CADM2: variants seen among roughly 807,000 people sequenced by gnomAD.
CADM2 encodes the protein immunoglobulin superfamily member 4D.
CADM2 carries 12 observed loss-of-function variants against 49.8 expected under a neutral mutation model. The ratio of observed to expected loss-of-function variants is 0.24; its 90% CI spans 0.15 to 0.39. CADM2 has a LOEUF of 0.39. CADM2 is among the 10% of genes least tolerant of loss of function. The pLI is 1.00. For synonymous variants in CADM2, 214 were observed against 175.4 expected, an observed-to-expected ratio of 1.22 and a Z score of -1.74; for missense variants, 378 against 492.3, an observed-to-expected ratio of 0.77 and a Z score of 2.20.
chr3:85,723,011 TATA>T (rs1252632744), intron 1 of CADM2, among the ~76,000 whole-genome samples: 31 of 152,322 alleles, frequency 2.0e-4, no homozygotes, highest in Admixed American at 5.2e-4. Context: ...ACTTTATTAA[TATA>T]ATGACTAACA....
chr3:85,448,307 TGG>T (rs2037569656), intron 1 of CADM2, among the ~76,000 whole-genome samples: 1 of 134,800 alleles, frequency 7.4e-6, no homozygotes, highest in Non-Finnish European at 1.5e-5. Flanking sequence ...CACTCCAGCC[TGG>T]GCGACAGAGC....
chr3:85,748,801 T>C (rs2068738691), intron 2 of CADM2, among the ~76,000 whole-genome samples: 1 of 152,150 alleles, frequency 6.6e-6, no homozygotes. Context: ...ACTTTACTAG[T>C]TCTTAATATA....
At chr3:85,893,779 A>G (rs1714810079) in intron 5 of CADM2, among the ~76,000 whole-genome samples, 1 of 152,192 alleles carries the variant, frequency 6.6e-6, no homozygotes, top group Non-Finnish European at 1.5e-5. Flanking sequence ...GAGAAATGCA[A>G]ATCAAAACCA....
chr3:85,857,472 T>C (rs1198356982), intron 3 of CADM2, among the ~76,000 whole-genome samples: 1 of 151,888 alleles, frequency 6.6e-6, no homozygotes, highest in African/African-American at 2.4e-5. Context: ...TTTTATCCTC[T>C]TTGTGTATTT....
chr3:85,440,975 A>G (rs1328847601), intron 1 of CADM2, among the ~76,000 whole-genome samples: 3 of 152,122 alleles, frequency 2.0e-5, no homozygotes, highest in Admixed American at 6.6e-5. Flanking sequence ...ACATAAATAA[A>G]TAAATAATAA....
intron 1 of CADM2, among the ~76,000 whole-genome samples, chr3:85,178,742 T>A (rs1331311485): frequency 1.3e-5 from 2 of 151,864 alleles, no homozygotes; most frequent in Non-Finnish European, 3.0e-5. Flanking sequence ...CCTATTTGTA[T>A]ATGTTAAATC....
At chr3:85,049,444 G>A (rs1291016754) in intron 1 of CADM2, among the ~76,000 whole-genome samples, 7 of 151,576 alleles carry the variant, frequency 4.6e-5, no homozygotes, top group South Asian at 4.2e-4. Context: ...TCCGCCTCCC[G>A]GGTTCACGCC....
At chr3:85,074,824 G>A (rs552477165) in intron 1 of CADM2, among the ~76,000 whole-genome samples, 5 of 151,782 alleles carry the variant, frequency 3.3e-5, no homozygotes, top group Admixed American at 6.6e-5. Flanking sequence ...TCACATTTCC[G>A]GGATAGAGAT....
chr3:85,518,171 A>G (rs1003887296), intron 1 of CADM2, among the ~76,000 whole-genome samples: 1 of 152,024 alleles, frequency 6.6e-6, no homozygotes, highest in African/African-American at 2.4e-5. Flanking sequence ...TCATATTTTT[A>G]GTAGAGATGG....
chr3:85,326,720 C>A (rs2044764030), intron 1 of CADM2, among the ~76,000 whole-genome samples: 1 of 152,164 alleles, frequency 6.6e-6, no homozygotes, highest in South Asian at 2.1e-4. Flanking sequence ...AACCCCCACC[C>A]TGCACATGGC....
At chr3:85,919,274 A>T (rs752531019) in intron 6 of CADM2, among the ~76,000 whole-genome samples, 1 of 152,020 alleles carries the variant, frequency 6.6e-6, no homozygotes, top group Non-Finnish European at 1.5e-5. Context: ...GTAGCTATTT[A>T]CACATGAAAG....
intron 1 of CADM2, among the ~76,000 whole-genome samples, chr3:85,285,782 T>A (rs551929469): frequency 1.3e-5 from 2 of 151,524 alleles, no homozygotes; most frequent in African/African-American, 4.8e-5. Flanking sequence ...AATGTATTTA[T>A]ATTTTAATCT....
chr3:85,032,374 T>A (rs2035026427), intron 1 of CADM2, among the ~76,000 whole-genome samples: 1 of 152,126 alleles, frequency 6.6e-6, no homozygotes, highest in Admixed American at 6.5e-5. Context: ...AATGCTGTTA[T>A]TGCAAAAGCA....
intron 5 of CADM2, among the ~76,000 whole-genome samples, chr3:85,910,465 T>C (rs1559736535): frequency 6.6e-6 from 1 of 152,098 alleles, no homozygotes; most frequent in Non-Finnish European, 1.5e-5. Flanking sequence ...TTGTGACATA[T>C]TTTTTCTGAA....
intron 1 of CADM2, among the ~76,000 whole-genome samples, chr3:85,156,179 C>T (rs1289949976): frequency 6.6e-6 from 1 of 151,932 alleles, no homozygotes; most frequent in East Asian, 1.9e-4. Context: ...ATTAATGAAT[C>T]CAGGAGCTGG....
chr3:85,083,103 T>G (rs893170278), intron 1 of CADM2, among the ~76,000 whole-genome samples: 2 of 152,218 alleles, frequency 1.3e-5, no homozygotes, highest in African/African-American at 4.8e-5. Flanking sequence ...ATATGTGTAT[T>G]ATATACATAG....
intron 1 of CADM2, among the ~76,000 whole-genome samples, chr3:85,639,520 A>G (rs544545583): frequency 6.6e-6 from 1 of 152,220 alleles, no homozygotes; most frequent in Non-Finnish European, 1.5e-5. Context: ...ATGCTCTACC[A>G]CCAGGAGTTG....
chr3:85,813,395 G>T (rs1056350483), intron 3 of CADM2, among the ~76,000 whole-genome samples: 1 of 152,106 alleles, frequency 6.6e-6, no homozygotes, highest in Non-Finnish European at 1.5e-5. Flanking sequence ...TGATGGGGTT[G>T]TTTGTTTTTT....
chr3:85,675,207 A>G (rs551412149), intron 1 of CADM2, among the ~76,000 whole-genome samples: 8 of 152,272 alleles, frequency 5.3e-5, no homozygotes, highest in Admixed American at 3.9e-4. Context: ...ACTGATAACA[A>G]TGTAGAAAAT....
Sources: allele counts gnomAD v4.1 joint callset (sites outside exome capture counted in the v4.1 genomes callset), GRCh38; gene constraint gnomAD v4.1.1; transcripts MANE v1.5; gene names NCBI Gene and HGNC (gene_info 2026-07-23, HGNC 2026-07-21).